Variants in PDE4D observed in about 807,000 individuals in gnomAD.
PDE4D encodes the protein phosphodiesterase 4D, also known as 3',5'-cyclic-AMP phosphodiesterase 4D.
PDE4D carries 24 observed loss-of-function variants against 87.4 expected under a neutral mutation model. The observed-to-expected ratio is 0.27, with a 90% CI of 0.20 to 0.39. PDE4D has a LOEUF of 0.39. PDE4D is among the 10% of genes least tolerant of loss of function. The pLI is 1.00. For missense variants in PDE4D, 714 were observed against 1,041.0 expected, an observed-to-expected ratio of 0.69 and a Z score of 4.32; for synonymous variants, 384 against 383.2, an observed-to-expected ratio of 1.00 and a Z score of -0.02.
chr5:59,414,362 G>T (rs1793223168), intron 1 of PDE4D, among the ~76,000 whole-genome samples: 1 of 152,206 alleles, frequency 6.6e-6, no homozygotes, highest in South Asian at 2.1e-4. Context: ...ACAGTGAATT[G>T]CATCATGCTC....
intron 1 of PDE4D, among the ~76,000 whole-genome samples, chr5:59,371,628 T>G (rs1783956665): frequency 6.6e-6 from 1 of 152,210 alleles, no homozygotes; most frequent in Non-Finnish European, 1.5e-5. Context: ...TTCTCTGGAT[T>G]GGAAGTGAAC....
intron 6 of PDE4D, among the ~76,000 whole-genome samples, chr5:59,030,435 A>AC (rs1757159917): frequency 6.6e-6 from 1 of 150,652 alleles, no homozygotes; most frequent in Non-Finnish European, 1.5e-5. Context: ...AAAAAAAAAA[A>AC]AAAAAAAAAA....
At chr5:60,228,128 C>T (rs1745348461) in intron 1 of PDE4D, among the ~76,000 whole-genome samples, 1 of 152,038 alleles carries the variant, frequency 6.6e-6, no homozygotes, top group South Asian at 2.1e-4. Flanking sequence ...ATTATCCTGA[C>T]TTCCCTTTCC....
At chr5:60,338,187 T>A (rs1757986336) in intron 1 of PDE4D, among the ~76,000 whole-genome samples, 1 of 152,134 alleles carries the variant, frequency 6.6e-6, no homozygotes, top group Admixed American at 6.5e-5. Flanking sequence ...CTGTGGGAAT[T>A]CTTGCTTGCC....
At chr5:60,517,212 A>G (rs993221537) in intron 1 of PDE4D, among the ~76,000 whole-genome samples, 4 of 152,200 alleles carry the variant, frequency 2.6e-5, no homozygotes, top group Non-Finnish European at 5.9e-5. Context: ...GACTCTGTGC[A>G]CCAAGGAGCA....
chr5:59,139,609 A>G (rs548574266), intron 5 of PDE4D, among the ~76,000 whole-genome samples: 30 of 152,026 alleles, frequency 2.0e-4, no homozygotes, highest in Middle Eastern at 3.4e-3. Context: ...AGCTGGGACT[A>G]CTGGAACCTA....
chr5:60,393,758 T>C (rs1762706775), intron 1 of PDE4D, among the ~76,000 whole-genome samples: 1 of 152,188 alleles, frequency 6.6e-6, no homozygotes, highest in African/African-American at 2.4e-5. Context: ...CACTGAACAC[T>C]GAGGTGGCCA....
chr5:58,975,980 C>T lies in PDE4D; in HGVS notation c.1831-141G>A. 4.7e-6 allele frequency: 3 copies of T among 641,422 alleles called. No homozygotes were observed. The highest frequency in any genetic ancestry group is 5.9e-5 in the East Asian group (2 of 33,642). 39.7% of individuals were successfully genotyped at this position (641,422 alleles called of 1,614,324 possible). On this transcript the variant is annotated intron_variant, in intron 13 of 14. Coordinates refer to ENST00000340635, the MANE Select transcript of PDE4D (RefSeq NM_001104631.2). This position sits in a 1 kb window ranked among gnomAD's most constrained non-coding sequence, Gnocchi z 4.2. ...TAAGATTTATTCCAAACAGCTCAAC[C>T]ATGATGTGTCTGTGTATAGTTCACA... is the stretch of plus-strand genomic sequence containing the variant.
chr5:59,057,030 T>C lies in PDE4D; in HGVS notation c.809-18059A>G, dbSNP rs113909829. Among the ~76,000 whole-genome samples, 1,094 of 152,284 alleles carry C rather than the reference T, an allele frequency of 7.2e-3. 12 individuals are homozygous for C. The highest frequency in any genetic ancestry group is 0.025 in the African/African-American group (1,036 of 41,554). ...TGTGGACCCAGGATCCTGCTGTCTTTGCAGGGCAAAGAATGGTTAGAAATG... is the reference window on the plus strand; with the variant it reads ...TGTGGACCCAGGATCCTGCTGTCTTCGCAGGGCAAAGAATGGTTAGAAATG... On this transcript the variant is annotated intron_variant, in intron 5 of 14. Transcript: ENST00000340635.
chr5:59,349,171 A>G (rs1417116209), intron 1 of PDE4D, among the ~76,000 whole-genome samples: 1 of 152,154 alleles, frequency 6.6e-6, no homozygotes, highest in African/African-American at 2.4e-5. Context: ...CTTTGCTCTG[A>G]TTCAACTCTG....
chr5:59,091,256 A>G (rs1366643780), intron 5 of PDE4D: 3 of 384,614 alleles, frequency 7.8e-6, no homozygotes, highest in Non-Finnish European at 1.5e-5. Flanking sequence ...AAAGATATGC[A>G]TGACCCATGA....
At chr5:60,078,704 A>G (rs1773592709) in intron 2 of PDE4D, among the ~76,000 whole-genome samples, 1 of 152,190 alleles carries the variant, frequency 6.6e-6, no homozygotes, top group Non-Finnish European at 1.5e-5. Flanking sequence ...TGTTCCTGCA[A>G]AGGATATGGT....
intron 1 of PDE4D, among the ~76,000 whole-genome samples, chr5:59,609,944 G>A (rs1579814313): frequency 6.6e-6 from 1 of 152,232 alleles, no homozygotes; most frequent in Admixed American, 6.5e-5. Flanking sequence ...CCTAGAATTT[G>A]AGAGCTCCAG....
intron 1 of PDE4D, among the ~76,000 whole-genome samples, chr5:60,517,074 T>C (rs1291524966): frequency 6.6e-6 from 1 of 152,114 alleles, no homozygotes; most frequent in Non-Finnish European, 1.5e-5. Flanking sequence ...CTCTCCCCAC[T>C]CCTAGCTCCC....
At chr5:59,454,455 G>C (rs1813482) in intron 1 of PDE4D, among the ~76,000 whole-genome samples, 2,482 of 152,254 alleles carry the variant, frequency 0.016, 72 homozygotes, top group African/African-American at 0.055. Flanking sequence ...ATCCATGTAA[G>C]ACGTGACTTG....
chr5:59,680,547 T>C (rs542930127), intron 1 of PDE4D, among the ~76,000 whole-genome samples: 1 of 152,234 alleles, frequency 6.6e-6, no homozygotes, highest in African/African-American at 2.4e-5. Flanking sequence ...TGATCCATAT[T>C]TAAAATAAGT....
At chr5:59,423,772 A>G (rs900606108) in intron 1 of PDE4D, among the ~76,000 whole-genome samples, 5 of 151,994 alleles carry the variant, frequency 3.3e-5, no homozygotes, top group African/African-American at 9.7e-5. Context: ...ACAAGGATGC[A>G]GAGATGTGGA....
chr5:59,575,138 T>C (rs151091292), intron 1 of PDE4D, among the ~76,000 whole-genome samples: 12 of 152,316 alleles, frequency 7.9e-5, no homozygotes, highest in African/African-American at 2.6e-4. Flanking sequence ...ACAAAGCTAG[T>C]ACATTTTCTT....
intron 1 of PDE4D, among the ~76,000 whole-genome samples, chr5:59,616,941 A>ATATATATATATATATATATC (rs1278960416): frequency 2.2e-5 from 3 of 137,740 alleles, no homozygotes; most frequent in Non-Finnish European, 4.7e-5. Flanking sequence ...ATATATATAT[A>ATATATATATATATATATATC]TATATCTCCA....
Sources: gnomAD v4.1 joint callset for allele counts (sites outside exome capture counted in the v4.1 genomes callset) on GRCh38, gnomAD v4.1.1 for gene constraint, Gnocchi (gnomAD v3.1) non-coding constraint, MANE v1.5 for transcripts, NCBI Gene and HGNC (gene_info 2026-07-23, HGNC 2026-07-21) for gene names.